DMD: variants seen among roughly 807,000 people sequenced by gnomAD.
DMD encodes mutant dystrophin.
A neutral mutation model predicts 330.1 loss-of-function variants in DMD; 63 were observed. The ratio of observed to expected loss-of-function variants is 0.19; its 90% CI spans 0.16 to 0.24. DMD has a LOEUF of 0.24. Ranked by LOEUF, DMD falls within the 10% of genes least tolerant of loss-of-function variation. The pLI is 1.00. For missense variants in DMD, 3,344 were observed against 2,684.1 expected (o/e 1.25, Z -5.43); for synonymous variants, 1,223 against 959.8 (o/e 1.27, Z -5.07).
At chrX:32,297,347 C>T (rs2097502236) in intron 42 of DMD, among the ~76,000 whole-genome samples, 1 of 109,246 alleles carries the variant, frequency 9.2e-6, no homozygotes, top group African/African-American at 3.3e-5. Context: ...AATCTCTGTT[C>T]ACTGCAACCT....
At chrX:32,021,832 G>C (rs1268067930) in intron 44 of DMD, among the ~76,000 whole-genome samples, 1 of 111,207 alleles carries the variant, frequency 9.0e-6, no homozygotes, top group Non-Finnish European at 1.9e-5. Flanking sequence ...CTACGTATTT[G>C]ACTCACATTA....
At chrX:32,931,982 G>C (rs1238816695) in intron 2 of DMD, among the ~76,000 whole-genome samples, 1 of 111,455 alleles carries the variant, frequency 9.0e-6, no homozygotes, top group Non-Finnish European at 1.9e-5. Flanking sequence ...ATTGTTACTA[G>C]AACTAAAATG....
In DMD at chrX:32,485,094, T is replaced by A. The variant is rs869025382; in HGVS notation, c.2628A>T (p.Glu876Asp). The A allele has an allele frequency of 9.9e-6, 12 of 1,206,712 alleles. No individual in the cohort carries two copies. Among genetic ancestry groups the A allele is most frequent in the Admixed American group, 2.2e-5 (1 of 45,620 alleles). The stretch of plus-strand genomic sequence containing the variant: ...GTTGAAGATCTGATAGCCGGTTGAC[T>A]TCATCCTGTGCCATAGAGTATGGAA... ...IKSQLKICKD[E>D]VNRLSDLQPQ... The change falls in exon 21 of 79, where the codon GAA (glutamate) becomes GAT (aspartate). Residue 876 changes from glutamate (E) to aspartate (D), a missense_variant. By Grantham distance (45) the Glu-to-Asp change is conservative (BLOSUM62 2). Coordinates refer to ENST00000357033, the MANE Select transcript of DMD (RefSeq NM_004006.3).
intron 44 of DMD, among the ~76,000 whole-genome samples, chrX:32,152,234 A>G (rs2096807192): frequency 8.9e-6 from 1 of 112,075 alleles, no homozygotes; most frequent in South Asian, 3.7e-4. Flanking sequence ...TCAATTTTAA[A>G]GTAGACAACT....
At chrX:31,217,560 T>G (rs2045545487) in intron 64 of DMD, among the ~76,000 whole-genome samples, 1 of 111,913 alleles carries the variant, frequency 8.9e-6, no homozygotes, top group African/African-American at 3.2e-5. Flanking sequence ...AAAGTTAGAG[T>G]TGGTAGAAGT....
At chrX:32,846,596 T>G (rs1216179209) in intron 3 of DMD, among the ~76,000 whole-genome samples, 1 of 109,968 alleles carries the variant, frequency 9.1e-6, no homozygotes, top group Non-Finnish European at 1.9e-5. Context: ...AAGGCTAACC[T>G]TATGAACCAG....
chrX:32,504,606 G>A (rs1468519953), intron 18 of DMD, among the ~76,000 whole-genome samples: 1 of 111,419 alleles, frequency 9.0e-6, no homozygotes, highest in Non-Finnish European at 1.9e-5. Context: ...CAGCCTGGGT[G>A]ACAGAGTAAG....
chrX:33,339,384 C>G, exon 1 of DMD: 5 of 790,273 alleles, frequency 6.3e-6, no homozygotes, highest in Non-Finnish European at 8.8e-6. Flanking sequence ...CATTCTATTA[C>G]TGCCGACTGC....
chrX:31,199,898 C>T (rs965965578), intron 67 of DMD, among the ~76,000 whole-genome samples: 1 of 111,968 alleles, frequency 8.9e-6, no homozygotes, highest in African/African-American at 3.2e-5. Flanking sequence ...AAACAAAGGG[C>T]AGAGGACATT....
chrX:31,401,899 C>T (rs2061208611), intron 60 of DMD, among the ~76,000 whole-genome samples: 1 of 111,535 alleles, frequency 9.0e-6, no homozygotes, highest in Non-Finnish European at 1.9e-5. Context: ...CTACAACACC[C>T]TACTGCTTCC....
chrX:32,536,262 T>TC (rs2047953365), intron 17 of DMD, among the ~76,000 whole-genome samples: 2 of 36,204 alleles, frequency 5.5e-5, no homozygotes, highest in Non-Finnish European at 7.7e-5. Context: ...AGACTCCGTC[T>TC]CCAAAAAAAA....
At chrX:31,345,856 T>C (rs779879252) in intron 61 of DMD, among the ~76,000 whole-genome samples, 7 of 111,817 alleles carry the variant, frequency 6.3e-5, no homozygotes, top group Non-Finnish European at 1.3e-4. Flanking sequence ...CACATGCGGA[T>C]AATAAAGTTA....
intron 47 of DMD, among the ~76,000 whole-genome samples, chrX:31,891,837 G>A (rs970383788): frequency 8.9e-6 from 1 of 112,104 alleles, no homozygotes; most frequent in Admixed American, 9.5e-5. Context: ...GGTCCTGCCT[G>A]TATTTCAGAG....
intron 44 of DMD, among the ~76,000 whole-genome samples, chrX:32,112,990 T>C (rs140308456): frequency 0.016 from 1,822 of 112,720 alleles, 34 homozygotes; most frequent in Non-Finnish European, 0.026. Flanking sequence ...ATCAGGAATT[T>C]GAAAGCCAAA....
At chrX:32,252,722 AT>A (rs2097272800) in intron 43 of DMD, among the ~76,000 whole-genome samples, 1 of 47,760 alleles carries the variant, frequency 2.1e-5, no homozygotes, top group Non-Finnish European at 3.2e-5. Context: ...ATAAATATAT[AT>A]AAATATATAA....
At chrX:32,225,260 CA>C (rs886070659) in intron 43 of DMD, among the ~76,000 whole-genome samples, 14 of 110,298 alleles carry the variant, frequency 1.3e-4, no homozygotes, top group Admixed American at 9.7e-4. Context: ...CCTTGAAGTT[CA>C]AAAAAAAGGT....
intron 50 of DMD, among the ~76,000 whole-genome samples, chrX:31,792,239 A>G (rs1235531827): frequency 8.9e-6 from 1 of 112,187 alleles, no homozygotes; most frequent in Non-Finnish European, 1.9e-5. Context: ...TTATCACTTC[A>G]TATGAGTTAT....
At chrX:31,656,797 G>T (rs747546396) in intron 54 of DMD, among the ~76,000 whole-genome samples, 1 of 111,479 alleles carries the variant, frequency 9.0e-6, no homozygotes, top group South Asian at 3.7e-4. Context: ...CTCCACCAGG[G>T]TCTTTTTCAT....
At chrX:33,233,771 C>G (rs935407133) in intron 1 of DMD, among the ~76,000 whole-genome samples, 2 of 111,151 alleles carry the variant, frequency 1.8e-5, no homozygotes, top group Non-Finnish European at 3.8e-5. Context: ...GTAAAAATTG[C>G]ATTTAACTAA....
Sources: allele counts gnomAD v4.1 joint callset (sites outside exome capture counted in the v4.1 genomes callset), GRCh38; gene constraint gnomAD v4.1.1; transcripts MANE v1.5; gene names NCBI Gene and HGNC (gene_info 2026-07-23, HGNC 2026-07-21).